CCDC62: variants seen among roughly 807,000 people sequenced by gnomAD.
CCDC62 encodes coiled-coil domain containing 62, also known as coiled-coil domain-containing protein 62.
In CCDC62, 72 loss-of-function variants were observed where a neutral mutation model predicts 80.8. The observed-to-expected ratio is 0.89, with a 90% CI of 0.74 to 1.08. The LOEUF is 1.08. Ranked by LOEUF, CCDC62 falls within the 50% of genes least tolerant of loss-of-function variation. The pLI is 0.00. For missense variants in CCDC62, 704 were observed against 809.4 expected, an observed-to-expected ratio of 0.87 and a Z score of 1.58; for synonymous variants, 286 against 296.5, an observed-to-expected ratio of 0.96 and a Z score of 0.36.
At chr12:122,784,488 T>A (rs2030087159) in intron 3 of CCDC62, among the ~76,000 whole-genome samples, 1 of 151,994 alleles carries the variant, frequency 6.6e-6, no homozygotes, top group African/African-American at 2.4e-5. Context: ...GCCACTGCAC[T>A]CCAGCCTGGC....
Position 122,797,615 on chromosome 12 carries a change from A to G in CCDC62, c.861+220A>G, listed in dbSNP as rs113644167. 2.3e-3 allele frequency among the ~76,000 whole-genome samples: 355 copies of G among 152,264 alleles called. 3 individuals carry two copies. Among genetic ancestry groups the G allele is most frequent in the African/African-American group, 8.0e-3 (332 of 41,546 alleles). On this transcript the variant is annotated intron_variant, in intron 7 of 12. Transcript: ENST00000253079. ...GGGTGCAATGGCCTGATCTCGGCTC[A>G]CTGCAACCTCCACCTCCTAGTTACA...
At chr12:122,805,990 T>TTATAATATTCTATTCCAATC (rs1469863764) in intron 9 of CCDC62, among the ~76,000 whole-genome samples, 161 bp from the exon 10 acceptor site, 4 of 152,240 alleles carry the variant, frequency 2.6e-5, no homozygotes, top group Admixed American at 2.6e-4. Flanking sequence ...ATGCATTAAC[T>TTATAATATTCTATTCCAATC]TATAATATTC....
At chr12:122,799,306 A>C (rs191287409) in intron 8 of CCDC62, among the ~76,000 whole-genome samples, 29 of 152,204 alleles carry the variant, frequency 1.9e-4, no homozygotes, top group Admixed American at 5.9e-4. Context: ...TCATCCATCC[A>C]TCCATCCATC....
intron 10 of CCDC62, among the ~76,000 whole-genome samples, chr12:122,811,648 C>T (rs1384813707): frequency 1.3e-4 from 20 of 150,570 alleles, no homozygotes; most frequent in Admixed American, 6.0e-4. Context: ...GGTGAAACCC[C>T]GTCTCTACGA....
chr12:122,799,981 A>T (rs1253165274), intron 8 of CCDC62, among the ~76,000 whole-genome samples: 1 of 151,954 alleles, frequency 6.6e-6, no homozygotes, highest in Non-Finnish European at 1.5e-5. Context: ...AGCCCCTTAC[A>T]TACTGGCTCT....
rs1480661605 is a variant in CCDC62 at position 122,781,736 on chromosome 12, G to A, written c.396+406G>A. Reference sequence around the variant, plus strand: ...TAGATTTAAATGTTTCATTAAAAATGCATGTGAGGCTGGGCACAGTGGCTT... The same window carrying A: ...TAGATTTAAATGTTTCATTAAAAATACATGTGAGGCTGGGCACAGTGGCTT... On this transcript the variant is annotated intron_variant, in intron 3 of 12. Coordinates refer to ENST00000253079, the MANE Select transcript of CCDC62 (RefSeq NM_201435.5). Among the ~76,000 whole-genome samples the A allele has an allele frequency of 2.0e-5, 3 of 151,968 alleles. No individual in the cohort carries two copies. The East Asian group carries it at 5.8e-4, about 29-fold the overall frequency.
intron 9 of CCDC62, among the ~76,000 whole-genome samples, chr12:122,805,554 G>A (rs1218316677): frequency 3.5e-5 from 4 of 114,980 alleles, no homozygotes; most frequent in African/African-American, 3.5e-5. Flanking sequence ...TTGCTCTGTC[G>A]CCCAGGCTGG....
intron 10 of CCDC62, 49 bp from the exon 11 acceptor site, chr12:122,813,221 T>A (rs748886783): frequency 2.0e-6 from 3 of 1,527,758 alleles, no homozygotes; most frequent in Non-Finnish European, 2.7e-6. Flanking sequence ...TAGTTAGCAT[T>A]TGTGTTTGTA....
At chr12:122,814,258 G>T (rs1425896162) in intron 11 of CCDC62, among the ~76,000 whole-genome samples, 1 of 128,578 alleles carries the variant, frequency 7.8e-6, no homozygotes, top group Non-Finnish European at 1.6e-5. Context: ...TCCAGCCTTG[G>T]CAATGAGCAA....
At chr12:122,814,279 C>CAAAAAA (rs1242349597) in intron 11 of CCDC62, among the ~76,000 whole-genome samples, 1 of 119,548 alleles carries the variant, frequency 8.4e-6, no homozygotes, top group African/African-American at 3.5e-5. Flanking sequence ...AGCTCCACCT[C>CAAAAAA]AAAAAAAAAA....
rs186694984 is a variant in CCDC62 at position 122,816,574 on chromosome 12, T to A, written c.2001+3155T>A. Among the ~76,000 whole-genome samples the A allele has an allele frequency of 3.1e-3, 477 of 152,014 alleles. 2 individuals are homozygous for A. Among genetic ancestry groups the A allele is most frequent in the African/African-American group, 9.1e-3 (377 of 41,474 alleles). Reference sequence around the variant, plus strand: ...AACCCCACCTCTACAAAATAAAAAATTTTTTTTAATTAGCTGGACACACTG... The same window carrying A: ...AACCCCACCTCTACAAAATAAAAAAATTTTTTTAATTAGCTGGACACACTG... On this transcript the variant is annotated intron_variant, in intron 11 of 12. Coordinates refer to ENST00000253079, the MANE Select transcript of CCDC62 (RefSeq NM_201435.5).
At chr12:122,796,082 A>G (rs1369054118) in intron 6 of CCDC62, among the ~76,000 whole-genome samples, 1 of 152,214 alleles carries the variant, frequency 6.6e-6, no homozygotes, top group Non-Finnish European at 1.5e-5. Context: ...GGAAACATTT[A>G]TATTTACATT....
At chr12:122,779,636 T>C (rs866207117) in intron 2 of CCDC62, among the ~76,000 whole-genome samples, 1 of 152,116 alleles carries the variant, frequency 6.6e-6, no homozygotes, top group Admixed American at 6.6e-5. Flanking sequence ...GGCCTGGCGC[T>C]GTGGCTCACA....
At chr12:122,791,438 C>T (rs1437043019) in intron 5 of CCDC62, among the ~76,000 whole-genome samples, 4 of 150,164 alleles carry the variant, frequency 2.7e-5, no homozygotes, top group Non-Finnish European at 5.9e-5. Context: ...TGCACTTGGC[C>T]TTTATTTTTA....
At chr12:122,777,292 TAG>T in intron 1 of CCDC62, 197 bp from the exon 2 acceptor site, 1 of 514,790 alleles carries the variant, frequency 1.9e-6, no homozygotes, top group Middle Eastern at 5.3e-4. Context: ...CAGAAAATTG[TAG>T]AGAGGCAGAG....
intron 11 of CCDC62, among the ~76,000 whole-genome samples, chr12:122,822,472 T>C (rs2032450082): frequency 6.6e-6 from 1 of 151,960 alleles, no homozygotes; most frequent in South Asian, 2.1e-4. Context: ...TCCTGTCTAA[T>C]TGAAACTTTG....
At position 122,774,617 on chromosome 12, in the gene CCDC62, T is replaced by A. The variant is rs1879287997; in HGVS notation, c.-54T>A. The A allele has an allele frequency of 1.6e-6, 2 of 1,224,064 alleles. No individual in the cohort carries two copies. The highest frequency in any genetic ancestry group is 6.5e-5 in the East Asian group (2 of 30,912). The allele number at this position is 1,224,064 out of a possible 1,614,324, so 75.8% of individuals were successfully genotyped here. A position where few individuals can be genotyped will look rare whatever the true frequency, so the allele number is the denominator to read the frequency against. ...GCTCGGGGCAGGCGCGCCGATGGCG[T>A]TTCTGAGGTGACGCCGCCCACACCG... On this transcript the variant is annotated 5_prime_UTR_variant, in exon 1 of 13. Transcript: ENST00000253079.
rs1307375939 is a variant in CCDC62 at position 122,811,400 on chromosome 12, G to A, written c.1852-1870G>A. On this transcript the variant is annotated intron_variant, in intron 10 of 12. Coordinates refer to ENST00000253079, the MANE Select transcript of CCDC62 (RefSeq NM_201435.5). ...CTAATTTTGTATTTTTAGTAGAGACGGGGTTTCTCCATGTTGGTCAGGCTG... is the reference window on the plus strand; with the variant it reads ...CTAATTTTGTATTTTTAGTAGAGACAGGGTTTCTCCATGTTGGTCAGGCTG... 4.0e-5 allele frequency among the ~76,000 whole-genome samples: 6 copies of A among 150,230 alleles called. No individual in the cohort carries two copies. In the East Asian group the frequency reaches 6.0e-4, roughly 15 times the overall value.
Position 122,801,202 on chromosome 12 carries a change from G to A in CCDC62, c.1056G>A (p.Leu352=). The A allele has an allele frequency of 1.2e-6, 2 of 1,614,130 alleles. No homozygotes were observed. Among genetic ancestry groups the A allele is most frequent in the South Asian group, 1.1e-5 (1 of 91,080 alleles). Residue 352 remains leucine (L), a synonymous_variant, in exon 9 of 13, where the codon CTG becomes CTA. Transcript: ENST00000253079. The part of the protein sequence containing the change: ...DIKREKNQKS[L]FKDQKFEAML... ...AGAGGGAAAAAAATCAGAAGTCACT[G>A]TTTAAGGACCAGAAATTTGAAGCCA...
Sources: allele counts gnomAD v4.1 joint callset (sites outside exome capture counted in the v4.1 genomes callset), GRCh38; gene constraint gnomAD v4.1.1; transcripts MANE v1.5; gene names NCBI Gene and HGNC (gene_info 2026-07-23, HGNC 2026-07-21).